The following BCAS3 variants were observed in gnomAD, a reference collection of about 807,000 sequenced individuals.
BCAS3 encodes the protein BCAS4/BCAS3 fusion.
A neutral mutation model predicts 116.1 loss-of-function variants in BCAS3; 53 were observed. The ratio of observed to expected loss-of-function variants is 0.46; its 90% confidence interval spans 0.37 to 0.57. BCAS3 has a LOEUF of 0.57. Ranked by LOEUF, BCAS3 falls within the 20% of genes least tolerant of loss-of-function variation. BCAS3 has a pLI of 0.00. For missense variants in BCAS3, 917 were observed against 1,165.4 expected (o/e 0.79, Z 3.10); for synonymous variants, 391 against 408.2 (o/e 0.96, Z 0.51).
rs1378481855 is a variant in BCAS3, at chr17:61,126,449, C to T, written c.2425+41885C>T. 6.6e-6 allele frequency among the ~76,000 whole-genome samples: 1 copy of T among 151,978 alleles called. No individual in the cohort carries two copies. On this transcript the variant is annotated intron_variant, in intron 22 of 23. Transcript: ENST00000407086. The surrounding 1 kb of genome is among the most constrained non-coding windows in gnomAD (Gnocchi z 4.6). ...TTTTTCTTTCCTTTTAGTGAAAAAC[C>T]GAAGGACAATAGTCATTATATGATT...
In BCAS3 at chr17:60,870,225, A is replaced by G. The variant is rs73991314; in HGVS notation, c.584+1542A>G. Among the ~76,000 whole-genome samples the G allele has an allele frequency of 2.6e-3, 395 of 152,350 alleles. 4 individuals carry two copies. The highest frequency in any genetic ancestry group is 0.01 in the Middle Eastern group (3 of 294). Reference sequence around the variant, plus strand: ...TCATAACTGCACAAGAGTGAATACTACAACTAGAAATTTTAAATTTGAGGA... The same window carrying G: ...TCATAACTGCACAAGAGTGAATACTGCAACTAGAAATTTTAAATTTGAGGA... On this transcript the variant is annotated intron_variant, in intron 8 of 23. Coordinates refer to ENST00000407086, the MANE Select transcript of BCAS3 (RefSeq NM_017679.5).
In BCAS3 at chr17:61,276,559, A is replaced by G. The variant is rs765334349; in HGVS notation, c.2426-91768A>G. On this transcript the variant is annotated intron_variant, in intron 22 of 23. Transcript: ENST00000407086. The surrounding 1 kb of genome is among the most constrained non-coding windows in gnomAD (Gnocchi z 4.2). ...AGAAGAACTAAATAAATGGAAAGAT[A>G]CTCCATGTTTATAGATCAGAAGACA... 2.0e-5 allele frequency among the ~76,000 whole-genome samples: 3 copies of G among 152,144 alleles called. No homozygotes were observed. The highest frequency in any genetic ancestry group is 1.5e-5 in the Non-Finnish European group (1 of 68,016).
intron 12 of BCAS3, 131 bp from the exon 13 acceptor site, chr17:60,924,276 G>T: frequency 1.4e-6 from 1 of 703,050 alleles, no homozygotes; most frequent in Admixed American, 2.6e-5. Flanking sequence ...TCCTTATATT[G>T]GCAAGAATAA....
At position 60,701,815 on chromosome 17, in the gene BCAS3, A is replaced by G. The variant is rs544317230; in HGVS notation, c.215-7404A>G. Among the ~76,000 whole-genome samples the G allele has an allele frequency of 2.1e-3, 318 of 150,744 alleles. 2 individuals carry two copies. The highest frequency in any genetic ancestry group is 7.4e-3 in the African/African-American group (304 of 41,058). ...TCTCTACTAAAAATACAAAAAAAAA[A>G]AAAAAAGAAAAAGCCAGGCGTGGTG... On this transcript the variant is annotated intron_variant, in intron 4 of 23. Coordinates refer to ENST00000407086, the MANE Select transcript of BCAS3 (RefSeq NM_017679.5).
intron 22 of BCAS3, among the ~76,000 whole-genome samples, chr17:61,263,405 T>G (rs1602268884): frequency 6.6e-6 from 1 of 152,178 alleles, no homozygotes; most frequent in Non-Finnish European, 1.5e-5. Context: ...AGGAGAGAAA[T>G]ACCTTGACCT....
intron 22 of BCAS3, among the ~76,000 whole-genome samples, chr17:61,165,553 T>G (rs8080123): frequency 0.74 from 112,706 of 151,898 alleles, 42,751 homozygotes; most frequent in South Asian, 0.9. Flanking sequence ...AGGCATGGTG[T>G]CACATGCCTG....
intron 23 of BCAS3, among the ~76,000 whole-genome samples, chr17:61,372,503 A>T (rs2059102164): frequency 6.6e-6 from 1 of 152,112 alleles, no homozygotes; most frequent in South Asian, 2.1e-4. Context: ...TCAGCTACCT[A>T]TTGACATATC....
In BCAS3 at chr17:61,015,915, C is replaced by T; in HGVS notation, c.1637+14C>T. The T allele has an allele frequency of 1.9e-6, 3 of 1,607,476 alleles. No homozygotes were observed. The highest frequency in any genetic ancestry group is 2.6e-6 in the Non-Finnish European group (3 of 1,176,166). ...CAAACGAACCGGGTAAGGCCTTAGA[C>T]TTGATGCTTTTTTAACAGCTGTTTT... On this transcript the variant is annotated intron_variant, in intron 16 of 23. Transcript: ENST00000407086.
intron 6 of BCAS3, among the ~76,000 whole-genome samples, chr17:60,789,928 G>C (rs1370866965): frequency 6.6e-6 from 1 of 151,820 alleles, no homozygotes; most frequent in Non-Finnish European, 1.5e-5. Flanking sequence ...TTGTTACATT[G>C]TTTTCTAACC....
At chr17:60,754,699 A>C (rs1304179284) in intron 6 of BCAS3, among the ~76,000 whole-genome samples, 1 of 38,580 alleles carries the variant, frequency 2.6e-5, no homozygotes, top group Non-Finnish European at 5.3e-5. Flanking sequence ...ACACACACAC[A>C]CACACACACA....
intron 6 of BCAS3, among the ~76,000 whole-genome samples, chr17:60,779,791 A>C (rs2144480649): frequency 6.6e-6 from 1 of 152,300 alleles, no homozygotes; most frequent in Admixed American, 6.5e-5. Context: ...GATAAGGGGT[A>C]CTCAACCTAT....
Position 60,709,360 on chromosome 17 carries a change from C to T in BCAS3, c.321+35C>T, listed in dbSNP as rs556172730. 4.9e-6 allele frequency: 6 copies of T among 1,226,440 alleles called. No homozygotes were observed. In the African/African-American group the frequency reaches 7.4e-5, roughly 15 times the overall value. The allele number at this position is 1,226,440 out of a possible 1,614,324, so 76.0% of individuals were successfully genotyped here. ...CATGTGGTTGAATACCTAAAACATA[C>T]TTCCCAGCATGTTAGCTTATGTGAA... is the stretch of plus-strand genomic sequence containing the variant. On this transcript the variant is annotated intron_variant, in intron 5 of 23. Transcript: ENST00000407086.
At chr17:60,794,649 G>A (rs1370322855) in intron 6 of BCAS3, among the ~76,000 whole-genome samples, 1 of 152,094 alleles carries the variant, frequency 6.6e-6, no homozygotes, top group African/African-American at 2.4e-5. Context: ...AGCACCATTT[G>A]TTGAAAAGGG....
intron 22 of BCAS3, among the ~76,000 whole-genome samples, chr17:61,238,382 C>A (rs1457926162): frequency 6.6e-6 from 1 of 152,078 alleles, no homozygotes; most frequent in Non-Finnish European, 1.5e-5. Flanking sequence ...GCCACCACAC[C>A]TGGCTAATTT....
intron 19 of BCAS3, chr17:61,069,907 C>T (rs775611871): frequency 1.4e-6 from 2 of 1,430,720 alleles, no homozygotes; most frequent in African/African-American, 1.4e-5. Flanking sequence ...TCCTGCCCCT[C>T]CTAAAGCCGA....
chr17:61,326,448 T>C lies in BCAS3; in HGVS notation c.2426-41879T>C, dbSNP rs114057931. ...TGAGAAGCATGTTTTCAGCAGAGGG[T>C]GAGTTTTGAAAAGATCACTCTGACC... On this transcript the variant is annotated intron_variant, in intron 22 of 23. Transcript: ENST00000407086. This position sits in a 1 kb window ranked among gnomAD's most constrained non-coding sequence, Gnocchi z 5.3. 2.9e-3 allele frequency among the ~76,000 whole-genome samples: 441 copies of C among 152,236 alleles called. 6 individuals carry two copies. Among genetic ancestry groups the C allele is most frequent in the African/African-American group, 9.8e-3 (407 of 41,536 alleles).
intron 14 of BCAS3, among the ~76,000 whole-genome samples, chr17:60,986,201 A>G (rs545791816): frequency 6.6e-6 from 1 of 152,298 alleles, no homozygotes; most frequent in South Asian, 2.1e-4. Flanking sequence ...ATAGTACTCC[A>G]TTGCGTATAT....
At chr17:61,183,663 A>G (rs914023496) in intron 22 of BCAS3, among the ~76,000 whole-genome samples, 5 of 152,252 alleles carry the variant, frequency 3.3e-5, no homozygotes, top group Non-Finnish European at 7.3e-5. Flanking sequence ...TGGTATGTCC[A>G]GAAAAAGAAA....
intron 3 of BCAS3, among the ~76,000 whole-genome samples, chr17:60,686,245 A>T (rs1053202865): frequency 6.6e-6 from 1 of 152,168 alleles, no homozygotes. Context: ...CATTTAATTC[A>T]GAGTCCTGCG....
Sources: allele counts gnomAD v4.1 joint callset (sites outside exome capture counted in the v4.1 genomes callset), GRCh38; gene constraint gnomAD v4.1.1; non-coding constraint Gnocchi (gnomAD v3.1); transcripts MANE v1.5; gene names NCBI Gene and HGNC (gene_info 2026-07-23, HGNC 2026-07-21).